TENM3: variants seen among roughly 807,000 people sequenced by gnomAD.
The protein encoded by TENM3 is teneurin-3.
A neutral mutation model predicts 255.1 loss-of-function variants in TENM3; 63 were observed. The ratio of observed to expected loss-of-function variants is 0.25; its 90% CI spans 0.20 to 0.30. The LOEUF (loss-of-function observed/expected upper bound fraction) is 0.30. Among genes scored for constraint, TENM3 ranks in the 10% least tolerant of loss-of-function variants. The pLI, the probability that TENM3 is intolerant of heterozygous loss-of-function variation, is 1.00. For synonymous variants in TENM3, 1,306 were observed against 1,322.3 expected (o/e 0.99, Z 0.27); for missense variants, 2,929 against 3,461.1 (o/e 0.85, Z 3.86).
chr4:181,509,806 G>A, the TENM3 span, among the ~76,000 whole-genome samples: 2 of 152,232 alleles, frequency 1.3e-5, no homozygotes, highest in Non-Finnish European at 2.9e-5. Context: ...TCATTCAATG[G>A]CACATGTGAG....
the TENM3 span, among the ~76,000 whole-genome samples, chr4:181,888,514 A>ATATATATGTATATATATATATATG: frequency 1.4e-3 from 39 of 27,664 alleles, 2 homozygotes; most frequent in South Asian, 3.1e-3. Flanking sequence ...ATATATATAT[A>ATATATATGTATATATATATATATG]TGTATATATA....
the TENM3 span, among the ~76,000 whole-genome samples, chr4:181,534,131 C>T: frequency 6.6e-6 from 1 of 151,812 alleles, no homozygotes; most frequent in African/African-American, 2.4e-5. Flanking sequence ...TGGCTCATGC[C>T]TGTAATCCCA....
chr4:181,971,107 C>T, the TENM3 span, among the ~76,000 whole-genome samples: 1 of 152,096 alleles, frequency 6.6e-6, no homozygotes. Flanking sequence ...GCCACTGAGC[C>T]CAGTCCAATT....
intron 1 of TENM3, among the ~76,000 whole-genome samples, chr4:182,323,239 C>A (rs937521870): frequency 1.3e-5 from 2 of 152,040 alleles, no homozygotes; most frequent in Admixed American, 1.3e-4. Context: ...ATCAAATTAG[C>A]CCCTTGAATT....
At chr4:181,878,699 T>C in the TENM3 span, among the ~76,000 whole-genome samples, 3 of 152,204 alleles carry the variant, frequency 2.0e-5, no homozygotes, top group South Asian at 6.2e-4. Context: ...CTTCCGTCTG[T>C]CTATATACCT....
At chr4:181,952,586 T>TCCCACGAACAACTC in the TENM3 span, among the ~76,000 whole-genome samples, 1 of 152,242 alleles carries the variant, frequency 6.6e-6, no homozygotes, top group Non-Finnish European at 1.5e-5. Context: ...GGCCTTGTGC[T>TCCCACGAACAACTC]AGGCCCATCC....
At chr4:182,593,751 C>T (rs971029536) in intron 3 of TENM3, among the ~76,000 whole-genome samples, 1 of 152,172 alleles carries the variant, frequency 6.6e-6, no homozygotes, top group Non-Finnish European at 1.5e-5. Context: ...CTTTTACTTC[C>T]TCCCACATGA....
chr4:182,386,881 C>A (rs1179262019), intron 3 of TENM3, among the ~76,000 whole-genome samples: 3 of 152,230 alleles, frequency 2.0e-5, no homozygotes, highest in Non-Finnish European at 2.9e-5. Flanking sequence ...ACGAATGCCG[C>A]CCCCTGTTCC....
chr4:182,088,857 G>T, the TENM3 span, among the ~76,000 whole-genome samples: 1 of 151,700 alleles, frequency 6.6e-6, no homozygotes, highest in Non-Finnish European at 1.5e-5. Context: ...AAAAAAGAGA[G>T]AGACAGCCAA....
At chr4:181,989,372 G>T in the TENM3 span, among the ~76,000 whole-genome samples, 6 of 152,048 alleles carry the variant, frequency 3.9e-5, no homozygotes, top group African/African-American at 1.4e-4. Flanking sequence ...TGGCAAAAAG[G>T]CATGTCTTTT....
chr4:182,194,140 C>A (rs1384135166), intron 1 of TENM3, among the ~76,000 whole-genome samples: 1 of 152,168 alleles, frequency 6.6e-6, no homozygotes, highest in South Asian at 2.1e-4. Flanking sequence ...CTACTTTTGC[C>A]CTGGTGTACT....
At chr4:182,177,311 A>G (rs899219456) in intron 1 of TENM3, among the ~76,000 whole-genome samples, 2 of 151,904 alleles carry the variant, frequency 1.3e-5, no homozygotes, top group African/African-American at 4.8e-5. Context: ...AGCCCCAAAC[A>G]CTTTCACTTT....
the TENM3 span, among the ~76,000 whole-genome samples, chr4:181,529,128 T>C: frequency 6.6e-6 from 1 of 152,210 alleles, no homozygotes; most frequent in Non-Finnish European, 1.5e-5. Context: ...TGCCCAATGC[T>C]CTACTGCTGG....
At chr4:182,460,223 A>G (rs1774229214) in intron 3 of TENM3, among the ~76,000 whole-genome samples, 1 of 152,192 alleles carries the variant, frequency 6.6e-6, no homozygotes, top group South Asian at 2.1e-4. Context: ...GAATAAAGAA[A>G]GGTACATTTG....
At chr4:181,815,194 GT>G in the TENM3 span, among the ~76,000 whole-genome samples, 1 of 152,034 alleles carries the variant, frequency 6.6e-6, no homozygotes, top group Admixed American at 6.5e-5. Context: ...GCTCACACCT[GT>G]AATCCCAGCA....
At chr4:182,363,317 A>T (rs567319156) in intron 3 of TENM3, among the ~76,000 whole-genome samples, 36 of 152,168 alleles carry the variant, frequency 2.4e-4, no homozygotes, top group African/African-American at 8.4e-4. Context: ...GTATATATAT[A>T]TGAGTGTGTG....
intron 3 of TENM3, among the ~76,000 whole-genome samples, chr4:182,441,569 C>A (rs1243138723): frequency 6.6e-6 from 1 of 152,170 alleles, no homozygotes; most frequent in Non-Finnish European, 1.5e-5. Flanking sequence ...GCAATCTCCG[C>A]TCACCACAAC....
At chr4:181,923,822 T>C in the TENM3 span, among the ~76,000 whole-genome samples, 1 of 152,162 alleles carries the variant, frequency 6.6e-6, no homozygotes, top group African/African-American at 2.4e-5. Context: ...TTAAATAATT[T>C]TTAATATATG....
At chr4:182,551,028 C>T (rs956130046) in intron 3 of TENM3, among the ~76,000 whole-genome samples, 2 of 152,064 alleles carry the variant, frequency 1.3e-5, no homozygotes, top group Non-Finnish European at 2.9e-5. Context: ...TGAGACCAGC[C>T]TGGTCAACAC....
Sources: allele counts gnomAD v4.1 joint callset (sites outside exome capture counted in the v4.1 genomes callset), GRCh38; gene constraint gnomAD v4.1.1; transcripts MANE v1.5; gene names NCBI Gene and HGNC (gene_info 2026-07-23, HGNC 2026-07-21).